Variants in ATAD5 observed in about 807,000 individuals in gnomAD.
The protein encoded by ATAD5 is ATPase family AAA domain-containing protein 5.
In ATAD5, 58 loss-of-function variants were observed where a neutral mutation model predicts 176.9. The ratio of observed to expected loss-of-function variants is 0.33; its 90% CI spans 0.27 to 0.41. ATAD5 has a LOEUF of 0.41. Among genes scored for constraint, ATAD5 ranks in the 10% least tolerant of loss-of-function variants. The probability of loss-of-function intolerance (pLI) is 1.00; values close to 1 mark genes in which losing one functional copy is unlikely to be tolerated. For missense variants in ATAD5, 1,789 were observed against 2,094.1 expected, an observed-to-expected ratio of 0.85 and a Z score of 2.84; for synonymous variants, 640 against 712.6, an observed-to-expected ratio of 0.90 and a Z score of 1.62.
intron 6 of ATAD5, among the ~76,000 whole-genome samples, chr17:30,853,943 A>G (rs2065061385): frequency 6.6e-6 from 1 of 152,020 alleles, no homozygotes; most frequent in Admixed American, 6.6e-5. Flanking sequence ...TTAGCAAGAA[A>G]ACAAAAGACA....
chr17:30,895,038 T>C lies in ATAD5; in HGVS notation c.*125T>C. On this transcript the variant is annotated 3_prime_UTR_variant, in exon 23 of 23. Coordinates refer to ENST00000321990, the MANE Select transcript of ATAD5 (RefSeq NM_024857.5). ...ACATTTTAAACAAACAATTTGTATA[T>C]TTTTTTATTGGCGGGTAAATATTTA... 1.7e-6 allele frequency: 1 copy of C among 579,400 alleles called. No homozygotes were observed. Among genetic ancestry groups the C allele is most frequent in the Admixed American group, 3.9e-5 (1 of 25,436 alleles). The allele number at this position is 579,400 out of a possible 1,614,324, so 35.9% of individuals were successfully genotyped here.
intron 19 of ATAD5, among the ~76,000 whole-genome samples, chr17:30,888,142 AT>A (rs914806582): frequency 6.6e-6 from 1 of 151,862 alleles, no homozygotes; most frequent in African/African-American, 2.4e-5. Flanking sequence ...CCAAAAAAAA[AT>A]TTTTTTTAAT....
At chr17:30,832,484 G>A in intron 1 of ATAD5, 71 bp downstream of exon 1, 1 of 1,394,624 alleles carries the variant, frequency 7.2e-7, no homozygotes, top group Non-Finnish European at 9.5e-7. Context: ...GGGTCTTGGC[G>A]GAAGGTGATC....
chr17:30,843,179 C>G (rs757606566), intron 4 of ATAD5, among the ~76,000 whole-genome samples: 1 of 151,882 alleles, frequency 6.6e-6, no homozygotes, highest in Non-Finnish European at 1.5e-5. Flanking sequence ...TAGGGAGAAC[C>G]TGGCTCTGCA....
intron 15 of ATAD5, 152 bp downstream of exon 15, chr17:30,876,702 C>CTTTTTT (rs202065630): frequency 9.4e-5 from 12 of 127,786 alleles, no homozygotes; most frequent in East Asian, 1.5e-4. Context: ...ATTTTGTTTC[C>CTTTTTT]TTTTTTTTTT....
chr17:30,868,408 T>G lies in ATAD5; in HGVS notation c.3309T>G (p.His1103Gln), dbSNP rs201422070. 1.0e-5 allele frequency: 16 copies of G among 1,551,788 alleles called. No individual in the cohort carries two copies. The Middle Eastern group carries it at 1.2e-3, about 118-fold the overall frequency. The part of the protein sequence containing the change: ...QNLKGKRDEK[H>Q]EDFSGGIDFK... ...TGAAGGGAAAAAGAGATGAGAAACATGAAGGTATTTTGTGTGTCTTTTTTT... is the reference window on the plus strand; with the variant it reads ...TGAAGGGAAAAAGAGATGAGAAACAGGAAGGTATTTTGTGTGTCTTTTTTT... The change falls in exon 12 of 23, where the codon CAT becomes CAG. Residue 1103 changes from histidine (H) to glutamine (Q), a missense_variant. Physicochemically the swap from His to Gln is conservative, Grantham distance 24. This residue lies in a region of ATAD5 where 487 missense variants were observed against 573.6 expected (regional missense o/e 0.85). Transcript: ENST00000321990.
At chr17:30,880,930 C>T (rs1908973972) in intron 18 of ATAD5, among the ~76,000 whole-genome samples, 1 of 151,910 alleles carries the variant, frequency 6.6e-6, no homozygotes, top group Non-Finnish European at 1.5e-5. Context: ...ATTTCCATTA[C>T]CTCCTAAAGT....
Position 30,858,136 on chromosome 17 carries a change from T to C in ATAD5, c.2794-25T>C, listed in dbSNP as rs746325190. On this transcript the variant is annotated intron_variant, in intron 8 of 22. Coordinates refer to ENST00000321990, the MANE Select transcript of ATAD5 (RefSeq NM_024857.5). The stretch of plus-strand genomic sequence containing the variant: ...ATGAATAGATGATGTTGGTCTGTTA[T>C]TGTGCATTTTATTCTTTATTGCAGT... The C allele has an allele frequency of 1.7e-5, 26 of 1,487,664 alleles. No homozygotes were observed. In the South Asian group the frequency reaches 3.0e-4, roughly 17 times the overall value. 92.2% of individuals were successfully genotyped at this position (1,487,664 alleles called of 1,614,324 possible).
chr17:30,893,398 A>G lies in ATAD5; in HGVS notation c.4545A>G (p.Leu1515=), dbSNP rs1288754962. The G allele has an allele frequency of 6.2e-7, 1 of 1,613,166 alleles. No homozygotes were observed. The highest frequency in any genetic ancestry group is 1.1e-5 in the South Asian group (1 of 90,852). ...TATATAGTAATCTTGAGTTTATTCT[A>G]CCATTACCAGTTGATACCATTCCAG... ...DFLYSNLEFI[L]PLPVDTIPET... The change falls in exon 21 of 23, where the codon CTA becomes CTG. Residue 1515 remains leucine, a synonymous_variant. Transcript: ENST00000321990.
At chr17:30,875,557 G>A (rs1434254290) in intron 14 of ATAD5, among the ~76,000 whole-genome samples, 9 of 152,008 alleles carry the variant, frequency 5.9e-5, no homozygotes, top group Non-Finnish European at 1.3e-4. Flanking sequence ...AGCACTTTAG[G>A]AGGCTGAGGC....
Position 30,835,615 on chromosome 17 carries a change from A to G in ATAD5, c.1534A>G (p.Lys512Glu), listed in dbSNP as rs1455348343. Residue 512 changes from lysine (K) to glutamate (E), a missense_variant, in exon 2 of 23, where the codon AAA becomes GAA. Lys to Glu is a moderately conservative substitution (Grantham distance 56). Around this residue, in one of 6 missense-constraint regions of ATAD5, gnomAD observed 696 missense variants for 712.5 expected, o/e 0.98. Coordinates refer to ENST00000321990, the MANE Select transcript of ATAD5 (RefSeq NM_024857.5). Reference sequence around the variant, plus strand: ...AGAAACAACCTTTTTCTTAAAAGAGAAACAATATCAAAATAGAATGAGTTT... The same window carrying G: ...AGAAACAACCTTTTTCTTAAAAGAGGAACAATATCAAAATAGAATGAGTTT... ...KKETTFFLKEKQYQNRMSLRQ... is the reference protein window; with the variant it reads ...KKETTFFLKEEQYQNRMSLRQ... 4 of 1,609,958 alleles carry G rather than the reference A, an allele frequency of 2.5e-6. No homozygotes were observed. The highest frequency in any genetic ancestry group is 2.2e-5 in the East Asian group (1 of 44,836).
rs1430057851 is a variant in ATAD5 at position 30,859,725 on chromosome 17, GTT to G, written c.2957-706_2957-705del. On this transcript the variant is annotated intron_variant, in intron 9 of 22. Transcript: ENST00000321990. ...GCCCAGGCTAGAATACAGTTTGTTT[GTT>G]TGTTTATTTATTTTTATTTTTTGAG... Among the ~76,000 whole-genome samples the G allele has an allele frequency of 5.7e-3, 712 of 125,212 alleles. 17 individuals carry two copies. Among genetic ancestry groups the G allele is most frequent in the South Asian group, 0.012 (35 of 2,994 alleles). 82.1% of individuals were successfully genotyped at this position (125,212 alleles called of 152,430 possible).
chr17:30,838,206 T>C (rs1247840894), intron 3 of ATAD5, among the ~76,000 whole-genome samples: 2 of 152,102 alleles, frequency 1.3e-5, no homozygotes, highest in Non-Finnish European at 2.9e-5. Flanking sequence ...ATAAGAATGG[T>C]TTAGTTGTTT....
chr17:30,875,947 C>A (rs1264610385), intron 14 of ATAD5, among the ~76,000 whole-genome samples: 1 of 151,562 alleles, frequency 6.6e-6, no homozygotes, highest in Non-Finnish European at 1.5e-5. Flanking sequence ...ACCATCCTGG[C>A]TAACACGGTG....
intron 9 of ATAD5, among the ~76,000 whole-genome samples, chr17:30,859,210 G>A (rs1043935612): frequency 2.0e-5 from 3 of 152,162 alleles, no homozygotes; most frequent in Middle Eastern, 3.2e-3. Flanking sequence ...CCAACTCAAA[G>A]ATAGCTTTAA....
At chr17:30,887,411 A>G (rs1567699869) in intron 19 of ATAD5, 39 bp downstream of exon 19, 3 of 1,537,408 alleles carry the variant, frequency 2.0e-6, no homozygotes, top group East Asian at 2.3e-5. Flanking sequence ...CTATTATGGG[A>G]CCCTATTTAA....
intron 16 of ATAD5, among the ~76,000 whole-genome samples, 170 bp downstream of exon 16, chr17:30,877,719 G>C (rs907481518): frequency 6.6e-6 from 1 of 152,114 alleles, no homozygotes; most frequent in East Asian, 1.9e-4. Context: ...AATTTTTCAG[G>C]AAGATGATTA....
intron 11 of ATAD5, among the ~76,000 whole-genome samples, chr17:30,867,075 G>A (rs1176675923): frequency 3.2e-5 from 4 of 124,442 alleles, no homozygotes; most frequent in African/African-American, 1.3e-4. Flanking sequence ...TTTTTTACTT[G>A]TACTGTTCTT....
chr17:30,876,006 G>A (rs1310013322), intron 14 of ATAD5, among the ~76,000 whole-genome samples: 4 of 151,526 alleles, frequency 2.6e-5, no homozygotes, highest in Non-Finnish European at 4.4e-5. Flanking sequence ...GCGTGGTGGC[G>A]AGTGCCTGTA....
Sources: allele counts gnomAD v4.1 joint callset (sites outside exome capture counted in the v4.1 genomes callset), GRCh38; gene constraint gnomAD v4.1.1; regional missense constraint gnomAD v4.1.1; transcripts MANE v1.5; gene names NCBI Gene and HGNC (gene_info 2026-07-23, HGNC 2026-07-21).